The following NTRK2 variants were observed in gnomAD, a reference collection of about 807,000 sequenced individuals.
NTRK2 encodes neurotrophic receptor tyrosine kinase 2.
NTRK2 carries 13 observed loss-of-function variants against 94.5 expected under a neutral mutation model. That is an observed-to-expected ratio of 0.14 (90% CI 0.09 to 0.22). NTRK2 has a LOEUF of 0.22. NTRK2 is among the 10% of genes least tolerant of loss of function. NTRK2 has a pLI of 1.00. For missense variants in NTRK2, 639 were observed against 1,071.2 expected, an observed-to-expected ratio of 0.60 and a Z score of 5.63; for synonymous variants, 372 against 407.4, an observed-to-expected ratio of 0.91 and a Z score of 1.05.
intron 12 of NTRK2, among the ~76,000 whole-genome samples, chr9:84,819,375 T>C (rs1423828615): frequency 6.6e-6 from 1 of 152,186 alleles, no homozygotes; most frequent in Non-Finnish European, 1.5e-5. Context: ...CTGTTTTACC[T>C]TACCTGTGGA....
chr9:84,986,276 A>G lies in NTRK2; in HGVS notation c.2172+30759A>G, dbSNP rs151240897. ...GCATTCCCCAACTTTTTTGGCACAAAGGACCAGTTTTGTGGAAAACAATTT... is the reference window on the plus strand; with the variant it reads ...GCATTCCCCAACTTTTTTGGCACAAGGGACCAGTTTTGTGGAAAACAATTT... On this transcript the variant is annotated intron_variant, in intron 17 of 18. Coordinates refer to ENST00000277120, the MANE Select transcript of NTRK2 (RefSeq NM_006180.6). 7.8e-3 allele frequency among the ~76,000 whole-genome samples: 1,189 copies of G among 152,274 alleles called. 9 individuals carry two copies. Among genetic ancestry groups the G allele is most frequent in the Middle Eastern group, 0.014 (4 of 294 alleles).
At chr9:84,671,404 G>A (rs1322138310) in intron 2 of NTRK2, among the ~76,000 whole-genome samples, 1 of 152,192 alleles carries the variant, frequency 6.6e-6, no homozygotes, top group African/African-American at 2.4e-5. Flanking sequence ...GTTGAGGGAA[G>A]TGACAGTCTC....
Position 84,670,411 on chromosome 9 carries a change from A to C in NTRK2, c.-338A>C. 1 of 428,546 alleles carries C rather than the reference A, an allele frequency of 2.3e-6. No homozygotes were observed. The highest frequency in any genetic ancestry group is 4.3e-6 in the Non-Finnish European group (1 of 234,352). The allele number at this position is 428,546 out of a possible 1,614,324, so 26.5% of individuals were successfully genotyped here. On this transcript the variant is annotated 5_prime_UTR_variant, in exon 2 of 19. Coordinates refer to ENST00000277120, the MANE Select transcript of NTRK2 (RefSeq NM_006180.6). ...GCATACCGGACCCCCATTCGCATCT[A>C]ACAAGGAATCTGCGCCCCAGAGAGT...
chr9:84,839,588 A>G (rs181910485), intron 12 of NTRK2, among the ~76,000 whole-genome samples: 115 of 152,268 alleles, frequency 7.6e-4, no homozygotes, highest in African/African-American at 2.6e-3. Flanking sequence ...TCAACACCAG[A>G]TATTTATGGA....
At chr9:84,875,663 C>T in intron 14 of NTRK2, 1 of 1,055,576 alleles carries the variant, frequency 9.5e-7, no homozygotes, top group Non-Finnish European at 1.1e-6. Flanking sequence ...CTTGGCTGTG[C>T]AAGGACCTCT....
At chr9:84,716,871 G>T (rs1588134624) in intron 6 of NTRK2, among the ~76,000 whole-genome samples, 1 of 152,198 alleles carries the variant, frequency 6.6e-6, no homozygotes, top group Non-Finnish European at 1.5e-5. Flanking sequence ...TCAAATTTGA[G>T]CTTGCAAAGT....
Position 85,025,842 on chromosome 9 carries a change from A to T in NTRK2, c.*4405A>T. The T allele has an allele frequency of 4.4e-6, 1 of 227,236 alleles. No homozygotes were observed. Among genetic ancestry groups the T allele is most frequent in the Non-Finnish European group, 8.7e-6 (1 of 114,424 alleles). 14.1% of individuals were successfully genotyped at this position (227,236 alleles called of 1,614,324 possible). ...TACAGCTGATTTTTTATGATGCATA[A>T]TTGGAATGTGGAGCCTCTGAGGTTG... On this transcript the variant is annotated 3_prime_UTR_variant, in exon 19 of 19. Coordinates refer to ENST00000277120, the MANE Select transcript of NTRK2 (RefSeq NM_006180.6).
At chr9:84,930,903 A>G (rs189201718) in intron 14 of NTRK2, among the ~76,000 whole-genome samples, 7 of 152,274 alleles carry the variant, frequency 4.6e-5, no homozygotes, top group Admixed American at 4.6e-4. Flanking sequence ...CATCCCAGAG[A>G]ATAGAGCTAT....
At chr9:84,887,071 C>T (rs941976090) in intron 14 of NTRK2, among the ~76,000 whole-genome samples, 1 of 152,096 alleles carries the variant, frequency 6.6e-6, no homozygotes, top group Non-Finnish European at 1.5e-5. Flanking sequence ...TAAGATTCAG[C>T]GTGGGCTTGG....
intron 17 of NTRK2, among the ~76,000 whole-genome samples, chr9:84,995,399 T>G (rs757995175): frequency 2.2e-4 from 34 of 152,110 alleles, no homozygotes; most frequent in Non-Finnish European, 7.3e-5. Context: ...TTGTTTGTTT[T>G]TTGGCATGGA....
At chr9:84,815,226 C>T in intron 12 of NTRK2, 6 of 1,056,588 alleles carry the variant, frequency 5.7e-6, no homozygotes, top group Non-Finnish European at 6.9e-6. Context: ...TGCAGTATAG[C>T]TTTGGCATGT....
intron 14 of NTRK2, among the ~76,000 whole-genome samples, chr9:84,881,296 A>C (rs1368112993): frequency 3.3e-5 from 5 of 152,132 alleles, no homozygotes; most frequent in African/African-American, 1.2e-4. Context: ...AGGGGACAAC[A>C]AGGGTAGGAA....
chr9:84,804,521 G>A (rs2070874176), intron 12 of NTRK2, among the ~76,000 whole-genome samples: 10 of 152,166 alleles, frequency 6.6e-5, no homozygotes, highest in Admixed American at 6.5e-4. Flanking sequence ...TGAGGTTCTT[G>A]CAGATTTTAT....
intron 9 of NTRK2, among the ~76,000 whole-genome samples, chr9:84,730,866 T>C (rs1388177804): frequency 2.0e-5 from 3 of 147,310 alleles, no homozygotes; most frequent in African/African-American, 5.0e-5. Flanking sequence ...TTTGGCTTTA[T>C]ATTCCATTAA....
intron 12 of NTRK2, chr9:84,815,815 A>G: frequency 2.3e-6 from 2 of 880,920 alleles, no homozygotes; most frequent in Non-Finnish European, 2.7e-6. Context: ...ACTTTAGAAG[A>G]AACAGTGTGA....
intron 12 of NTRK2, among the ~76,000 whole-genome samples, chr9:84,788,018 T>C (rs1338924485): frequency 6.6e-6 from 1 of 152,194 alleles, no homozygotes; most frequent in African/African-American, 2.4e-5. Flanking sequence ...GAGGATTAAA[T>C]GAATTAATAT....
chr9:84,915,062 TA>T, intron 14 of NTRK2, among the ~76,000 whole-genome samples: 1 of 152,180 alleles, frequency 6.6e-6, no homozygotes, highest in East Asian at 1.9e-4. Context: ...AGATCCGTCG[TA>T]TGCGCAGTTC....
chr9:84,674,134 A>G (rs1359363570), intron 2 of NTRK2, among the ~76,000 whole-genome samples: 1 of 152,070 alleles, frequency 6.6e-6, no homozygotes, highest in Non-Finnish European at 1.5e-5. Flanking sequence ...AAAAAAATAC[A>G]TAACCTAAAA....
chr9:84,937,349 ATTGTCCTTTTTCCTTCTCT>A (rs2078245927), intron 15 of NTRK2, among the ~76,000 whole-genome samples: 6 of 152,144 alleles, frequency 3.9e-5, no homozygotes, highest in Admixed American at 3.9e-4. Context: ...AATAGCAGCT[ATTGTCCTTTTTCCTTCTCT>A]AGAAGGAGCT....
Sources: gnomAD v4.1 joint callset for allele counts (sites outside exome capture counted in the v4.1 genomes callset) on GRCh38, gnomAD v4.1.1 for gene constraint, MANE v1.5 for transcripts, NCBI Gene and HGNC (gene_info 2026-07-23, HGNC 2026-07-21) for gene names.